MMD2: variants seen among roughly 807,000 people sequenced by gnomAD.
MMD2 encodes the protein monocyte to macrophage differentiation factor 2.
MMD2 carries 30 observed loss-of-function variants against 33.5 expected under a neutral mutation model. The observed-to-expected ratio is 0.90, with a 90% CI of 0.67 to 1.22. The LOEUF is 1.22. MMD2 is among the 50% of genes most tolerant of loss of function. The pLI, the probability that MMD2 is intolerant of heterozygous loss-of-function variation, is 0.00. For missense variants in MMD2, 364 were observed against 325.4 expected, an observed-to-expected ratio of 1.12 and a Z score of -0.91; for synonymous variants, 129 against 123.0, an observed-to-expected ratio of 1.05 and a Z score of -0.32.
At chr7:4,911,269 C>T (rs1488293200) in intron 4 of MMD2, 23 bp from the exon 5 acceptor site, 3 of 1,555,568 alleles carry the variant, frequency 1.9e-6, no homozygotes, top group East Asian at 4.8e-5. Context: ...GAGCCAAGGC[C>T]ATGGCCCTGA....
At chr7:4,916,249 G>C (rs2115097436) in intron 3 of MMD2, among the ~76,000 whole-genome samples, 170 bp from the exon 4 acceptor site, 1 of 152,038 alleles carries the variant, frequency 6.6e-6, no homozygotes, top group African/African-American at 2.4e-5. Flanking sequence ...TAAGTGACCA[G>C]AGCAGTGGTC....
intron 4 of MMD2, among the ~76,000 whole-genome samples, chr7:4,915,164 G>C (rs1388671953): frequency 6.6e-6 from 1 of 151,618 alleles, no homozygotes; most frequent in Non-Finnish European, 1.5e-5. Flanking sequence ...CCAGCTACTT[G>C]GGAGGCTGAG....
At position 4,920,241 on chromosome 7, in the gene MMD2, G is replaced by C; in HGVS notation, c.220C>G (p.Leu74Val). Residue 74 changes from leucine to valine, a missense_variant, in exon 3 of 7, where the codon CTC (leucine) becomes GTC (valine). By Grantham distance (32) the Leu-to-Val change is conservative. Coordinates refer to ENST00000401401, the MANE Select transcript of MMD2 (RefSeq NM_198403.4). Reference sequence around the variant, plus strand: ...ACCACGAAGAGGCCGCAGAGGCCGAGGCCGTAGATCCAGGCAGAGATGGTC... The same window carrying C: ...ACCACGAAGAGGCCGCAGAGGCCGACGCCGTAGATCCAGGCAGAGATGGTC... Reference protein sequence around the residue: ...WETISAWIYGLGLCGLFVVST... With the variant: ...WETISAWIYGVGLCGLFVVST... The C allele has an allele frequency of 6.3e-7, 1 of 1,596,604 alleles. No individual in the cohort carries two copies. Among genetic ancestry groups the C allele is most frequent in the Non-Finnish European group, 8.5e-7 (1 of 1,172,280 alleles).
the MMD2 span, among the ~76,000 whole-genome samples, chr7:4,893,053 G>T: frequency 6.6e-6 from 1 of 152,078 alleles, no homozygotes; most frequent in African/African-American, 2.4e-5. Context: ...TCAATACATA[G>T]ATCCCATCCT....
intron 1 of MMD2, among the ~76,000 whole-genome samples, chr7:4,936,430 A>AT (rs1449806654): frequency 6.6e-6 from 1 of 151,934 alleles, no homozygotes. Flanking sequence ...CCCCTCCCTT[A>AT]TTTTTTTAAT....
At chr7:4,908,071 A>G (rs1222527338) in intron 6 of MMD2, among the ~76,000 whole-genome samples, 1 of 151,904 alleles carries the variant, frequency 6.6e-6, no homozygotes, top group Non-Finnish European at 1.5e-5. Flanking sequence ...CGGCTTCCCA[A>G]AGTGATGGCA....
intron 2 of MMD2, among the ~76,000 whole-genome samples, chr7:4,921,968 T>C (rs1785297850): frequency 2.6e-5 from 4 of 152,098 alleles, no homozygotes; most frequent in Non-Finnish European, 5.9e-5. Flanking sequence ...CTCACACCTG[T>C]AATCCCAGCG....
chr7:4,956,913 G>C (rs1184154513), intron 1 of MMD2, among the ~76,000 whole-genome samples: 1 of 152,006 alleles, frequency 6.6e-6, no homozygotes, highest in Non-Finnish European at 1.5e-5. Context: ...ACAAGTCCAA[G>C]TGCCCACTTT....
intron 1 of MMD2, among the ~76,000 whole-genome samples, chr7:4,957,378 G>A (rs1015488110): frequency 1.3e-5 from 2 of 151,608 alleles, no homozygotes; most frequent in African/African-American, 4.8e-5. Flanking sequence ...GCCGGGGGCG[G>A]TGGGTCATGC....
chr7:4,904,280 G>C (rs2115078539), downstream of MMD2, among the ~76,000 whole-genome samples: 1 of 152,280 alleles, frequency 6.6e-6, no homozygotes, highest in Middle Eastern at 3.4e-3. Context: ...ATGCTCCCAG[G>C]ACAGGGCCTT....
chr7:4,909,623 G>T, intron 6 of MMD2: 1 of 639,428 alleles, frequency 1.6e-6, no homozygotes, highest in Admixed American at 2.5e-5. Context: ...TTTTTTTAGA[G>T]ATGGGTCTTG....
intron 1 of MMD2, among the ~76,000 whole-genome samples, chr7:4,943,874 T>C (rs965521213): frequency 2.6e-5 from 4 of 151,770 alleles, no homozygotes; most frequent in African/African-American, 9.7e-5. Flanking sequence ...TGATCACAGC[T>C]CACTGCAGCC....
chr7:4,894,479 C>A, the MMD2 span, among the ~76,000 whole-genome samples: 1 of 152,080 alleles, frequency 6.6e-6, no homozygotes, highest in African/African-American at 2.4e-5. The surrounding 1 kb of genome is among the most constrained non-coding windows in gnomAD (Gnocchi z 4.3). Flanking sequence ...GCAAACCAAG[C>A]GATCACAGCT....
At chr7:4,926,893 C>T (rs920355092) in intron 1 of MMD2, among the ~76,000 whole-genome samples, 5 of 151,978 alleles carry the variant, frequency 3.3e-5, no homozygotes, top group African/African-American at 4.8e-5. Context: ...TACAGGCGCC[C>T]GCCATCATGC....
chr7:4,931,195 C>T (rs1030233352), intron 1 of MMD2, among the ~76,000 whole-genome samples: 11 of 151,980 alleles, frequency 7.2e-5, no homozygotes, highest in African/African-American at 2.7e-4. Flanking sequence ...AAGGGTCTTG[C>T]TCTGTGGCCC....
At chr7:4,925,311 C>CACTCG in intron 2 of MMD2, 140 bp downstream of exon 2, 2 of 390,548 alleles carry the variant, frequency 5.1e-6, no homozygotes, top group Non-Finnish European at 4.1e-6. Context: ...CCTCGAGACG[C>CACTCG]CACAGTGGCC....
At chr7:4,894,341 A>T in the MMD2 span, among the ~76,000 whole-genome samples, 3 of 152,176 alleles carry the variant, frequency 2.0e-5, no homozygotes, top group Non-Finnish European at 4.4e-5. The surrounding 1 kb of genome is among the most constrained non-coding windows in gnomAD (Gnocchi z 4.3). Context: ...CTTTTCAGTT[A>T]TTTCTGATAG....
At chr7:4,923,745 G>A (rs564742889) in intron 2 of MMD2, among the ~76,000 whole-genome samples, 3 of 152,190 alleles carry the variant, frequency 2.0e-5, no homozygotes, top group African/African-American at 4.8e-5. Flanking sequence ...AATATTTTCC[G>A]AGCCCCTACG....
chr7:4,903,059 G>A (rs1237415238), downstream of MMD2, among the ~76,000 whole-genome samples: 1 of 152,200 alleles, frequency 6.6e-6, no homozygotes, highest in Non-Finnish European at 1.5e-5. Flanking sequence ...CCAACATGGT[G>A]AAACCCTGTC....
Sources: allele counts gnomAD v4.1 joint callset (sites outside exome capture counted in the v4.1 genomes callset), GRCh38; gene constraint gnomAD v4.1.1; non-coding constraint Gnocchi (gnomAD v3.1); transcripts MANE v1.5; gene names NCBI Gene and HGNC (gene_info 2026-07-23, HGNC 2026-07-21).